Variants in PTPRT observed in about 807,000 individuals in gnomAD.
PTPRT encodes receptor-type tyrosine-protein phosphatase T.
PTPRT carries 56 observed loss-of-function variants against 176.8 expected under a neutral mutation model. The ratio of observed to expected loss-of-function variants is 0.32; its 90% CI spans 0.26 to 0.40. The LOEUF (loss-of-function observed/expected upper bound fraction) is 0.40, where lower values mean the gene tolerates loss of function less well. Among genes scored for constraint, PTPRT ranks in the 10% least tolerant of loss-of-function variants. The pLI, the probability that PTPRT is intolerant of heterozygous loss-of-function variation, is 1.00. For synonymous variants in PTPRT, 783 were observed against 739.0 expected (o/e 1.06, Z -0.96); for missense variants, 1,540 against 1,908.2 (o/e 0.81, Z 3.60).
chr20:43,067,159 C>A (rs1448904790), intron 1 of PTPRT, among the ~76,000 whole-genome samples: 1 of 152,108 alleles, frequency 6.6e-6, no homozygotes, highest in Non-Finnish European at 1.5e-5. Flanking sequence ...AAGGAAGTAC[C>A]GACACATGCT....
intron 17 of PTPRT, among the ~76,000 whole-genome samples, chr20:42,155,161 C>T (rs1989298849): frequency 1.3e-5 from 2 of 152,138 alleles, no homozygotes; most frequent in Admixed American, 6.5e-5. Flanking sequence ...AGTATACATC[C>T]CACCCCCAGT....
chr20:43,068,800 G>T (rs1441928599), intron 1 of PTPRT, among the ~76,000 whole-genome samples: 1 of 152,046 alleles, frequency 6.6e-6, no homozygotes, highest in Non-Finnish European at 1.5e-5. Flanking sequence ...ATAAGAAGAG[G>T]GTCAGAAGGA....
At chr20:42,590,855 T>G (rs1394917536) in intron 7 of PTPRT, among the ~76,000 whole-genome samples, 2 of 152,056 alleles carry the variant, frequency 1.3e-5, no homozygotes, top group African/African-American at 4.8e-5. Flanking sequence ...ATTGATTGGC[T>G]TATTGACAGA....
At chr20:42,622,282 C>T (rs971207326) in intron 7 of PTPRT, among the ~76,000 whole-genome samples, 4 of 151,744 alleles carry the variant, frequency 2.6e-5, no homozygotes, top group African/African-American at 4.8e-5. Context: ...CACTCTGCTG[C>T]CCAGGCTGGA....
At chr20:42,271,126 C>A (rs2056927060) in intron 13 of PTPRT, among the ~76,000 whole-genome samples, 1 of 152,162 alleles carries the variant, frequency 6.6e-6, no homozygotes, top group Non-Finnish European at 1.5e-5. Flanking sequence ...TTCAAACCAC[C>A]TCACTCAGCT....
chr20:42,484,717 G>C (rs568858390), intron 7 of PTPRT, among the ~76,000 whole-genome samples: 79 of 152,306 alleles, frequency 5.2e-4, no homozygotes, highest in African/African-American at 1.8e-3. Flanking sequence ...AACCAGGATA[G>C]TTAACAATTC....
Position 43,189,743 on chromosome 20 carries a change from G to T in PTPRT, c.-10C>A. 8.1e-7 allele frequency: 1 copy of T among 1,227,690 alleles called. No homozygotes were observed. Among genetic ancestry groups the T allele is most frequent in the Non-Finnish European group, 1.0e-6 (1 of 985,626 alleles). The allele number at this position is 1,227,690 out of a possible 1,614,324, so 76.0% of individuals were successfully genotyped here. On this transcript the variant is annotated 5_prime_UTR_variant, in exon 1 of 31. Transcript: ENST00000373187. This position sits in a 1 kb window ranked among gnomAD's most constrained non-coding sequence, Gnocchi z 5.0. ...CGGCGAGGCTCGCCATCCGGGCGGC[G>T]GCGGGCAGCTCAGCCCCTTCCCGCG...
chr20:42,275,118 T>C (rs1283460111), intron 13 of PTPRT, among the ~76,000 whole-genome samples: 1 of 152,260 alleles, frequency 6.6e-6, no homozygotes, highest in African/African-American at 2.4e-5. Flanking sequence ...TGTCAGGCTT[T>C]ACTTCTGTCA....
At position 43,024,254 on chromosome 20, in the gene PTPRT, A is replaced by G. The variant is rs146165685; in HGVS notation, c.89-138322T>C. Among the ~76,000 whole-genome samples the G allele has an allele frequency of 1.8e-3, 275 of 152,248 alleles. 1 individual carries two copies. Among genetic ancestry groups the G allele is most frequent in the Middle Eastern group, 6.8e-3 (2 of 294 alleles). On this transcript the variant is annotated intron_variant, in intron 1 of 30. Transcript: ENST00000373187. Reference sequence around the variant, plus strand: ...GTGAGGAGTAAATGAGTGCATGGATATTGTTCATCACAGTAGTTGACACAA... The same window carrying G: ...GTGAGGAGTAAATGAGTGCATGGATGTTGTTCATCACAGTAGTTGACACAA...
intron 7 of PTPRT, among the ~76,000 whole-genome samples, chr20:42,634,012 ATATATATATAATATATATATTATATATAT>A (rs1431582638): frequency 3.5e-5 from 1 of 28,802 alleles, no homozygotes; most frequent in Non-Finnish European, 5.6e-5. Context: ...TATATATATA[ATATATATATAATATATATATTATATATAT>A]TATATATATA....
At chr20:42,297,611 C>T (rs967379942) in intron 12 of PTPRT, among the ~76,000 whole-genome samples, 4 of 152,208 alleles carry the variant, frequency 2.6e-5, no homozygotes, top group African/African-American at 7.2e-5. Context: ...AACTTTCCCT[C>T]GCAGACATTA....
At chr20:42,486,469 T>C (rs1395686800) in intron 7 of PTPRT, among the ~76,000 whole-genome samples, 1 of 152,230 alleles carries the variant, frequency 6.6e-6, no homozygotes, top group Non-Finnish European at 1.5e-5. Flanking sequence ...ATTTATGAAC[T>C]GTGTGACATT....
At chr20:42,215,622 C>A (rs575607791) in intron 15 of PTPRT, among the ~76,000 whole-genome samples, 1 of 92,188 alleles carries the variant, frequency 1.1e-5, no homozygotes. Context: ...CCTGCTCATA[C>A]GACCCGAAAC....
chr20:42,835,992 A>G (rs866940027), intron 2 of PTPRT, among the ~76,000 whole-genome samples: 9 of 152,096 alleles, frequency 5.9e-5, no homozygotes, highest in Admixed American at 3.9e-4. Context: ...AGTGCCTGGC[A>G]TGAAGGAGGA....
Position 43,189,768 on chromosome 20 carries a change from GGGGGCC to G in PTPRT, c.-41_-36del. Reference sequence around the variant, plus strand: ...GGCGGGCAGCTCAGCCCCTTCCCGCGGGGGCCGGGGCCGGGACTGGGGCGGGCGCGG... The same window carrying G: ...GGCGGGCAGCTCAGCCCCTTCCCGCGGGGGCCGGGACTGGGGCGGGCGCGG... On this transcript the variant is annotated 5_prime_UTR_variant, in exon 1 of 31. Transcript: ENST00000373187. This position sits in a 1 kb window ranked among gnomAD's most constrained non-coding sequence, Gnocchi z 5.0. The G allele has an allele frequency of 1.8e-6, 2 of 1,125,104 alleles. No individual in the cohort carries two copies. Among genetic ancestry groups the G allele is most frequent in the Non-Finnish European group, 2.2e-6 (2 of 917,704 alleles). The allele number at this position is 1,125,104 out of a possible 1,614,324, so 69.7% of individuals were successfully genotyped here.
chr20:42,141,816 G>A, intron 18 of PTPRT, 99 bp downstream of exon 18: 2 of 1,153,506 alleles, frequency 1.7e-6, no homozygotes, highest in Non-Finnish European at 2.6e-6. Flanking sequence ...AGACAGCAAA[G>A]ATTATTTGAT....
chr20:42,858,187 A>C (rs1197147138), intron 2 of PTPRT, among the ~76,000 whole-genome samples: 1 of 152,218 alleles, frequency 6.6e-6, no homozygotes, highest in Non-Finnish European at 1.5e-5. Context: ...AACACTTGTT[A>C]AAAATAAAAT....
chr20:42,256,965 A>C (rs987962832), intron 13 of PTPRT, among the ~76,000 whole-genome samples: 23 of 152,178 alleles, frequency 1.5e-4, no homozygotes, highest in African/African-American at 5.3e-4. Flanking sequence ...CCCTTCCTCC[A>C]GCTTTACCAT....
intron 2 of PTPRT, among the ~76,000 whole-genome samples, chr20:42,866,244 G>A (rs1325511319): frequency 2.0e-5 from 3 of 152,208 alleles, no homozygotes; most frequent in Non-Finnish European, 4.4e-5. Flanking sequence ...CACAGAGGTA[G>A]GGTCTCTGCA....
Sources: gnomAD v4.1 joint callset for allele counts (sites outside exome capture counted in the v4.1 genomes callset) on GRCh38, gnomAD v4.1.1 for gene constraint, Gnocchi (gnomAD v3.1) non-coding constraint, MANE v1.5 for transcripts, NCBI Gene and HGNC (gene_info 2026-07-23, HGNC 2026-07-21) for gene names.